ZNF75D: variants seen among roughly 807,000 people sequenced by gnomAD.
ZNF75D encodes the protein zinc finger protein 75D.
Under a neutral mutation model 33.3 loss-of-function variants are expected in ZNF75D, and 33 were observed. That is an observed-to-expected ratio of 0.99 (90% CI 0.75 to 1.32). The LOEUF (loss-of-function observed/expected upper bound fraction) is 1.32. Ranked by LOEUF, ZNF75D falls within the 40% of genes most tolerant of loss-of-function variation. The pLI is 0.00. For synonymous variants in ZNF75D, 113 were observed against 130.6 expected, an observed-to-expected ratio of 0.87 and a Z score of 0.92; for missense variants, 338 against 367.5, an observed-to-expected ratio of 0.92 and a Z score of 0.66.
Position 135,293,832 on chromosome X carries a change from C to G in ZNF75D, c.309G>C (p.Lys103Asn). ...VLEQFLSILPKETQNWVQKHH... is the reference protein window; with the variant it reads ...VLEQFLSILPNETQNWVQKHH... ...GCTTCTGCACCCAGTTCTGGGTCTC[C>G]TTGGGCAGAATGCTCAGGAACTGCT... Residue 103 changes from lysine to asparagine, a missense_variant, in exon 3 of 7, where the codon AAG becomes AAC. Transcript: ENST00000370766. 1.7e-6 allele frequency: 2 copies of G among 1,211,080 alleles called. No individual in the cohort carries two copies. The highest frequency in any genetic ancestry group is 2.2e-6 in the Non-Finnish European group (2 of 894,786).
chrX:135,314,101 A>G (rs2148484324), intron 1 of ZNF75D, among the ~76,000 whole-genome samples: 1 of 111,898 alleles, frequency 8.9e-6, no homozygotes, highest in African/African-American at 3.2e-5. Context: ...ACTTTTCCCC[A>G]TGAAGTATGA....
intron 1 of ZNF75D, among the ~76,000 whole-genome samples, chrX:135,266,905 T>A (rs2083864987): frequency 1.8e-5 from 2 of 111,539 alleles, no homozygotes; most frequent in African/African-American, 6.5e-5. Flanking sequence ...ATTGAAAAAA[T>A]ATCAAGCATC....
intron 1 of ZNF75D, among the ~76,000 whole-genome samples, chrX:135,257,218 T>C (rs1460222731): frequency 8.9e-6 from 1 of 112,415 alleles, no homozygotes; most frequent in Non-Finnish European, 1.9e-5. Flanking sequence ...AGCAGGCTGT[T>C]GGGGTCCTCG....
intron 1 of ZNF75D, among the ~76,000 whole-genome samples, chrX:135,307,852 G>A (rs1556426131): frequency 8.9e-6 from 1 of 112,862 alleles, no homozygotes; most frequent in African/African-American, 3.2e-5. Flanking sequence ...AGATTGACAA[G>A]CAAATGGGAA....
chrX:135,324,733 C>CCCACG (rs1477060680), intron 1 of ZNF75D, among the ~76,000 whole-genome samples: 2 of 112,296 alleles, frequency 1.8e-5, no homozygotes, highest in African/African-American at 6.5e-5. Flanking sequence ...GGCCCAGATG[C>CCCACG]CCACGCTCTA....
At position 135,272,797 on chromosome X, in the gene ZNF75D, T is replaced by C. The variant is rs143473327; in HGVS notation, n.828-17020A>G. 3.6e-3 allele frequency among the ~76,000 whole-genome samples: 396 copies of C among 111,534 alleles called. 3 individuals are homozygous for C. Among genetic ancestry groups the C allele is most frequent in the African/African-American group, 0.012 (374 of 30,712 alleles). On this transcript the variant is annotated intron_variant and non_coding_transcript_variant, in intron 1 of 3. Coordinates refer to the ZNF75D transcript ENST00000494295. ...ACAGGAAATATCCTCTCCATTTACA[T>C]AGGGCGTACACCTAGTAAATGACTT... is the stretch of plus-strand genomic sequence containing the variant.
intron 1 of ZNF75D, among the ~76,000 whole-genome samples, chrX:135,339,855 A>G (rs527422939): frequency 8.9e-6 from 1 of 111,930 alleles, no homozygotes; most frequent in East Asian, 2.8e-4. Context: ...CAGCAAATGT[A>G]TACTTAAACA....
intron 1 of ZNF75D, among the ~76,000 whole-genome samples, chrX:135,270,932 G>C (rs1268787492): frequency 8.9e-6 from 1 of 112,326 alleles, no homozygotes; most frequent in Middle Eastern, 4.2e-3. Context: ...CTATTTTGGG[G>C]AGAAGGAAAA....
intron 1 of ZNF75D, among the ~76,000 whole-genome samples, chrX:135,259,335 G>A (rs1489608796): frequency 8.9e-6 from 1 of 111,890 alleles, no homozygotes; most frequent in Non-Finnish European, 1.9e-5. Context: ...TGTGAAGAAA[G>A]TCATTGGTAG....
chrX:135,302,476 A>G (rs782631554), intron 1 of ZNF75D, among the ~76,000 whole-genome samples: 1 of 112,665 alleles, frequency 8.9e-6, no homozygotes, highest in Non-Finnish European at 1.9e-5. Flanking sequence ...TTTAGCTGCT[A>G]GAGAGAAAGA....
chrX:135,323,597 G>A (rs1556435847), intron 1 of ZNF75D, among the ~76,000 whole-genome samples: 2 of 111,533 alleles, frequency 1.8e-5, no homozygotes, highest in African/African-American at 6.5e-5. Flanking sequence ...CTTACAGACA[G>A]TAGTCACAGG....
chrX:135,336,582 C>T (rs2084714666), intron 1 of ZNF75D, among the ~76,000 whole-genome samples: 1 of 112,054 alleles, frequency 8.9e-6, no homozygotes, highest in African/African-American at 3.2e-5. Context: ...CAGTCAAGGG[C>T]TCAGTCCCCT....
At chrX:135,279,927 T>C (rs1205075743) in intron 1 of ZNF75D, among the ~76,000 whole-genome samples, 3 of 111,510 alleles carry the variant, frequency 2.7e-5, no homozygotes, top group African/African-American at 6.5e-5. Flanking sequence ...TTAGAATAAG[T>C]GGGATGTGGT....
intron 1 of ZNF75D, among the ~76,000 whole-genome samples, chrX:135,320,451 T>C (rs1225139257): frequency 2.7e-5 from 3 of 111,841 alleles, no homozygotes; most frequent in Non-Finnish European, 5.6e-5. Flanking sequence ...ATCTTCTTGA[T>C]CTCAGAAATG....
At chrX:135,292,563 TG>T in intron 3 of ZNF75D, 90 bp from the exon 4 acceptor site, 1 of 778,534 alleles carries the variant, frequency 1.3e-6, no homozygotes, top group African/African-American at 2.1e-5. Flanking sequence ...AGCCCAGATT[TG>T]GGGAATGCAT....
intron 1 of ZNF75D, among the ~76,000 whole-genome samples, chrX:135,256,525 G>A (rs915746150): frequency 2.7e-5 from 3 of 111,871 alleles, no homozygotes; most frequent in South Asian, 3.8e-4. Flanking sequence ...GGGCAAAAGC[G>A]CTCTAGAGTC....
At chrX:135,312,235 G>A (rs1556428648) in intron 1 of ZNF75D, among the ~76,000 whole-genome samples, 1 of 111,026 alleles carries the variant, frequency 9.0e-6, no homozygotes, top group African/African-American at 3.3e-5. Context: ...ATACATGAGT[G>A]AGAACATGAA....
At chrX:135,280,931 C>A (rs982042801), downstream of ZNF75D, among the ~76,000 whole-genome samples, 1 of 111,786 alleles carries the variant, frequency 8.9e-6, no homozygotes, top group African/African-American at 3.3e-5. Flanking sequence ...TTTTTTCCTT[C>A]ATTTCAACTT....
chrX:135,324,233 A>G (rs916830900), intron 1 of ZNF75D, among the ~76,000 whole-genome samples: 3 of 112,151 alleles, frequency 2.7e-5, no homozygotes, highest in African/African-American at 9.7e-5. Context: ...AATGAAGCTT[A>G]GAGAAGTGAA....
Sources: allele counts gnomAD v4.1 joint callset (sites outside exome capture counted in the v4.1 genomes callset), GRCh38; gene constraint gnomAD v4.1.1; transcripts MANE v1.5; gene names NCBI Gene and HGNC (gene_info 2026-07-23, HGNC 2026-07-21).